ACTR3C: variants seen among roughly 807,000 people sequenced by gnomAD.
ACTR3C encodes actin-related protein 3C.
A neutral mutation model predicts 26.3 loss-of-function variants in ACTR3C; 18 were observed. That is an observed-to-expected ratio of 0.68 (90% CI 0.47 to 1.01). ACTR3C has a LOEUF of 1.01. Among genes scored for constraint, ACTR3C ranks in the 50% least tolerant of loss-of-function variants. The pLI, the probability that ACTR3C is intolerant of heterozygous loss-of-function variation, is 0.00. For synonymous variants in ACTR3C, 55 were observed against 94.5 expected (o/e 0.58, Z 2.42); for missense variants, 184 against 250.7 (o/e 0.73, Z 1.80).
chr7:150,032,100 T>C, the ACTR3C span, among the ~76,000 whole-genome samples: 2 of 152,182 alleles, frequency 1.3e-5, no homozygotes, highest in African/African-American at 4.8e-5. Context: ...GTGATGTCTG[T>C]CCTTGCAGCT....
At chr7:150,282,856 A>G (rs556858696) in intron 6 of ACTR3C, among the ~76,000 whole-genome samples, 1 of 147,152 alleles carries the variant, frequency 6.8e-6, no homozygotes, top group South Asian at 2.1e-4. Context: ...AGCACGGGCA[A>G]CAAAAAGAAG....
chr7:149,913,245 A>G, the ACTR3C span, among the ~76,000 whole-genome samples: 5 of 152,282 alleles, frequency 3.3e-5, no homozygotes, highest in African/African-American at 1.2e-4. Context: ...GGACCAAAAA[A>G]ACAAAAGCAA....
chr7:150,090,271 G>A, the ACTR3C span, among the ~76,000 whole-genome samples: 1 of 152,246 alleles, frequency 6.6e-6, no homozygotes, highest in African/African-American at 2.4e-5. Flanking sequence ...CTGAATAGTG[G>A]TCTGGGGTGG....
the ACTR3C span, among the ~76,000 whole-genome samples, chr7:149,993,517 G>A: frequency 6.6e-6 from 1 of 152,138 alleles, no homozygotes; most frequent in Non-Finnish European, 1.5e-5. Flanking sequence ...CCATCAGTAT[G>A]GCTGATGGAA....
chr7:149,994,616 T>A, the ACTR3C span, among the ~76,000 whole-genome samples: 4 of 150,812 alleles, frequency 2.7e-5, no homozygotes, highest in African/African-American at 7.3e-5. Flanking sequence ...GAAAAAAAAA[T>A]GGAAGCTAAG....
chr7:149,946,102 C>T, the ACTR3C span, among the ~76,000 whole-genome samples: 70 of 152,282 alleles, frequency 4.6e-4, 4 homozygotes, highest in East Asian at 3.9e-3. Flanking sequence ...ACACTTTGCT[C>T]AGAGTCCGCG....
At chr7:150,260,675 G>C (rs1215815454) in intron 6 of ACTR3C, among the ~76,000 whole-genome samples, 3 of 152,230 alleles carry the variant, frequency 2.0e-5, no homozygotes, top group Admixed American at 1.3e-4. Flanking sequence ...TTCGGGGTCT[G>C]CGTGATCATC....
chr7:150,123,809 G>A, the ACTR3C span, among the ~76,000 whole-genome samples: 1 of 152,212 alleles, frequency 6.6e-6, no homozygotes, highest in African/African-American at 2.4e-5. Flanking sequence ...AGAATGAAAA[G>A]TGGGGCTACC....
At chr7:149,881,477 G>A in the ACTR3C span, 89,323 of 152,818 alleles carry the variant, frequency 0.58, 26,426 homozygotes, top group Middle Eastern at 0.62. Context: ...GAGTGCAGCA[G>A]GGGCAGGTCT....
chr7:150,159,831 C>A, the ACTR3C span, among the ~76,000 whole-genome samples: 1 of 152,100 alleles, frequency 6.6e-6, no homozygotes, highest in East Asian at 1.9e-4. Flanking sequence ...TGGAGTCTCG[C>A]TCTGTGGCCC....
chr7:150,219,167 G>GTAGA, the ACTR3C span, among the ~76,000 whole-genome samples: 1 of 146,542 alleles, frequency 6.8e-6, no homozygotes, highest in African/African-American at 2.7e-5. Context: ...CTCCGAACAA[G>GTAGA]TAGATAGTGT....
chr7:150,001,572 C>T, the ACTR3C span: 142 of 152,206 alleles, frequency 9.3e-4, no homozygotes, highest in African/African-American at 3.3e-3. Context: ...TGGTCTTGGA[C>T]GTGTGATTTA....
the ACTR3C span, among the ~76,000 whole-genome samples, chr7:150,082,811 G>A: frequency 1.3e-5 from 2 of 151,856 alleles, no homozygotes; most frequent in African/African-American, 4.8e-5. Flanking sequence ...CCTCACTTAT[G>A]AAGAAGAGAA....
chr7:150,041,821 C>T, the ACTR3C span, among the ~76,000 whole-genome samples: 2 of 130,158 alleles, frequency 1.5e-5, no homozygotes, highest in African/African-American at 3.1e-5. Flanking sequence ...GATGGGGGTA[C>T]TAAGAGCCAG....
chr7:150,073,392 C>T, the ACTR3C span, among the ~76,000 whole-genome samples: 1 of 151,558 alleles, frequency 6.6e-6, no homozygotes, highest in South Asian at 2.1e-4. Flanking sequence ...CAGAGAAATT[C>T]AGAAATTATT....
At chr7:149,907,468 C>CTCTCT in the ACTR3C span, among the ~76,000 whole-genome samples, 1,512 of 119,410 alleles carry the variant, frequency 0.013, 157 homozygotes, top group African/African-American at 0.028. Flanking sequence ...CCTCTCTTGC[C>CTCTCT]TCTCTTCTCT....
chr7:150,255,774 T>C (rs1833176322), intron 6 of ACTR3C, among the ~76,000 whole-genome samples: 1 of 152,242 alleles, frequency 6.6e-6, no homozygotes, highest in Non-Finnish European at 1.5e-5. Context: ...CAAGGGTGCA[T>C]ATGTGTACAT....
chr7:150,051,220 G>A, the ACTR3C span, among the ~76,000 whole-genome samples: 42 of 152,096 alleles, frequency 2.8e-4, no homozygotes, highest in African/African-American at 9.4e-4. Flanking sequence ...GAGGGTGTGA[G>A]GACACTGTGG....
chr7:149,885,412 C>A, the ACTR3C span, among the ~76,000 whole-genome samples: 1 of 152,214 alleles, frequency 6.6e-6, no homozygotes, highest in African/African-American at 2.4e-5. Flanking sequence ...GCACTGATCC[C>A]AGCATGAGCT....
Sources: gnomAD v4.1 joint callset for allele counts (sites outside exome capture counted in the v4.1 genomes callset) on GRCh38, gnomAD v4.1.1 for gene constraint, MANE v1.5 for transcripts, NCBI Gene and HGNC (gene_info 2026-07-23, HGNC 2026-07-21) for gene names.